DPYSL4: variants seen among roughly 807,000 people sequenced by gnomAD.
The protein encoded by DPYSL4 is dihydropyrimidinase-related protein 4.
Under a neutral mutation model 63.4 loss-of-function variants are expected in DPYSL4, and 43 were observed. The observed-to-expected ratio is 0.68, with a 90% confidence interval of 0.53 to 0.88. The LOEUF is 0.88. DPYSL4 is among the 40% of genes least tolerant of loss of function. DPYSL4 has a pLI of 0.00. For missense variants in DPYSL4, 733 were observed against 819.5 expected (o/e 0.89, Z 1.29); for synonymous variants, 353 against 331.7 (o/e 1.06, Z -0.70).
chr10:132,194,725 G>A (rs1055881609), intron 3 of DPYSL4, 120 bp from the exon 4 acceptor site: 12 of 1,325,474 alleles, frequency 9.1e-6, no homozygotes, highest in East Asian at 7.0e-5. Context: ...GGCCTCTGCT[G>A]TGTCTCCCTC....
intron 1 of DPYSL4, among the ~76,000 whole-genome samples, chr10:132,189,821 C>G (rs1249800396): frequency 6.6e-6 from 1 of 152,254 alleles, no homozygotes; most frequent in Non-Finnish European, 1.5e-5. Context: ...TTTAAAACAT[C>G]AAACCAGGAT....
chr10:132,187,151 TG>T, intron 1 of DPYSL4, 49 bp downstream of exon 1: 1 of 1,434,424 alleles, frequency 7.0e-7, no homozygotes, highest in Non-Finnish European at 9.5e-7. Context: ...CCGCCCGGAG[TG>T]GGGCCTGGAC....
chr10:132,193,222 G>A (rs1458888004), intron 3 of DPYSL4, among the ~76,000 whole-genome samples: 4 of 152,178 alleles, frequency 2.6e-5, no homozygotes, highest in Non-Finnish European at 4.4e-5. Flanking sequence ...CACATGCCTC[G>A]GAAGCTTCAT....
At chr10:132,193,893 A>G (rs1757141483) in intron 3 of DPYSL4, among the ~76,000 whole-genome samples, 1 of 152,244 alleles carries the variant, frequency 6.6e-6, no homozygotes, top group South Asian at 2.1e-4. Context: ...TTACTCAGCC[A>G]CAAAGGGAGA....
In DPYSL4 at chr10:132,205,110, C is replaced by A; in HGVS notation, c.*180C>A. The A allele has an allele frequency of 2.1e-6, 1 of 470,908 alleles. No individual in the cohort carries two copies. The highest frequency in any genetic ancestry group is 3.7e-6 in the Non-Finnish European group (1 of 268,002). 29.2% of individuals were successfully genotyped at this position (470,908 alleles called of 1,614,324 possible). ...GGGTCCCAGGTCCTGCTGCCAAGAG[C>A]CCCTCAAGAGAAGGGCTGAACCTGG... is the stretch of plus-strand genomic sequence containing the variant. On this transcript the variant is annotated 3_prime_UTR_variant, in exon 14 of 14. Coordinates refer to ENST00000338492, the MANE Select transcript of DPYSL4 (RefSeq NM_006426.3).
chr10:132,197,932 G>A (rs189331449), intron 6 of DPYSL4, among the ~76,000 whole-genome samples: 3 of 152,308 alleles, frequency 2.0e-5, no homozygotes, highest in East Asian at 1.9e-4. Flanking sequence ...ACAGCGGGAG[G>A]GAGCCTCAGT....
Position 132,186,994 on chromosome 10 carries a change from TCCCCCCGC to T in DPYSL4, c.-67_-60del, listed in dbSNP as rs1205871800. On this transcript the variant is annotated 5_prime_UTR_variant, in exon 1 of 14. Coordinates refer to ENST00000338492, the MANE Select transcript of DPYSL4 (RefSeq NM_006426.3). ...CCACGCACGCGTCCCGGCTCACGCG[TCCCCCCGC>T]CCGCCCGCCCGCCCGCCCGCCCCCG... The T allele has an allele frequency of 2.1e-3, 455 of 219,010 alleles. 5 individuals are homozygous for T. Among genetic ancestry groups the T allele is most frequent in the Admixed American group, 3.4e-3 (47 of 13,892 alleles). The allele number at this position is 219,010 out of a possible 1,614,324, so 13.6% of individuals were successfully genotyped here.
chr10:132,198,724 G>A (rs1293571270), intron 7 of DPYSL4, 127 bp from the exon 8 acceptor site: 2 of 1,420,896 alleles, frequency 1.4e-6, no homozygotes, highest in Non-Finnish European at 1.9e-6. Flanking sequence ...GCCCGAGGCT[G>A]GGCCGCTCCT....
chr10:132,191,440 G>A (rs1299197584), intron 2 of DPYSL4, among the ~76,000 whole-genome samples: 4 of 112,480 alleles, frequency 3.6e-5, no homozygotes, highest in Admixed American at 9.5e-5. Flanking sequence ...CGCTGGTCAT[G>A]TGGTATCCAG....
chr10:132,188,085 C>T (rs2061828862), intron 1 of DPYSL4, among the ~76,000 whole-genome samples: 1 of 152,178 alleles, frequency 6.6e-6, no homozygotes, highest in African/African-American at 2.4e-5. Context: ...CCAGAGGGTT[C>T]TGCCCGGCTG....
At chr10:132,194,080 C>T (rs555582566) in intron 3 of DPYSL4, among the ~76,000 whole-genome samples, 98 of 152,070 alleles carry the variant, frequency 6.4e-4, no homozygotes, top group African/African-American at 2.2e-3. Context: ...ACCACAGACA[C>T]GAGGCTGGCC....
chr10:132,189,103 G>A (rs1258437122), intron 1 of DPYSL4, among the ~76,000 whole-genome samples: 2 of 152,228 alleles, frequency 1.3e-5, no homozygotes, highest in East Asian at 1.9e-4. Context: ...CTGACGGTGC[G>A]TGAAGGCTCT....
At chr10:132,195,280 T>G (rs947149504) in intron 4 of DPYSL4, among the ~76,000 whole-genome samples, 2 of 152,200 alleles carry the variant, frequency 1.3e-5, no homozygotes, top group Non-Finnish European at 2.9e-5. Context: ...GAAGAGAGGC[T>G]GCCCAGGGTG....
At chr10:132,189,641 GTCCTGCCC>G (rs1347595597) in intron 1 of DPYSL4, among the ~76,000 whole-genome samples, 1 of 150,780 alleles carries the variant, frequency 6.6e-6, no homozygotes, top group Non-Finnish European at 1.5e-5. Flanking sequence ...TGGTCAGCAA[GTCCTGCCC>G]TCCTGACTCC....
Position 132,192,659 on chromosome 10 carries a change from C to A in DPYSL4, c.130C>A (p.Gln44Lys). 1 of 1,599,508 alleles carries A rather than the reference C, an allele frequency of 6.3e-7. No individual in the cohort carries two copies. The highest frequency in any genetic ancestry group is 8.5e-7 in the Non-Finnish European group (1 of 1,172,562). ...CAGTGAAATCTCTGCTGCTTTCAGA[C>A]AAATCGGAGAAAACCTCATCGTCCC... The part of the protein sequence containing the change: ...DVHVEDGLIK[Q>K]IGENLIVPGG... Residue 44 changes from glutamine (Q) to lysine (K), a missense_variant and splice_region_variant, in exon 3 of 14, where the codon CAA becomes AAA. Coordinates refer to ENST00000338492, the MANE Select transcript of DPYSL4 (RefSeq NM_006426.3).
chr10:132,199,108 G>T, intron 8 of DPYSL4, 137 bp downstream of exon 8: 1 of 1,319,410 alleles, frequency 7.6e-7, no homozygotes, highest in South Asian at 1.5e-5. Flanking sequence ...ATCGGGGTGG[G>T]GCACTGGACC....
rs750218124 is a variant in DPYSL4, at chr10:132,203,752, C to T, written c.1462-10C>T. On this transcript the variant is annotated splice_polypyrimidine_tract_variant and intron_variant, in intron 12 of 13. Coordinates refer to ENST00000338492, the MANE Select transcript of DPYSL4 (RefSeq NM_006426.3). ...CTCATGCCCTGTCTCTGCCCCCACC[C>T]CCCCGGCAGCTGGCGGAGATCCACG... The T allele has an allele frequency of 6.9e-6, 11 of 1,595,128 alleles. No individual in the cohort carries two copies. Among genetic ancestry groups the T allele is most frequent in the Non-Finnish European group, 8.6e-6 (10 of 1,167,438 alleles).
Position 132,199,072 on chromosome 10 carries a change from C to T in DPYSL4, c.811+101C>T, listed in dbSNP as rs61865800. 5.5e-5 allele frequency: 81 copies of T among 1,462,872 alleles called. No individual in the cohort carries two copies. The highest frequency in any genetic ancestry group is 6.4e-5 in the Non-Finnish European group (70 of 1,091,292). The allele number at this position is 1,462,872 out of a possible 1,614,324, so 90.6% of individuals were successfully genotyped here. A position where few individuals can be genotyped will look rare whatever the true frequency, so the allele number is the denominator to read the frequency against. On this transcript the variant is annotated intron_variant, in intron 8 of 13. Coordinates refer to ENST00000338492, the MANE Select transcript of DPYSL4 (RefSeq NM_006426.3). ...GGTTCCCTGAGTCCCTGCATCGGGG[C>T]GGGGCACTGGACCCTGAGTCCCTGC...
chr10:132,194,544 G>C (rs1183174396), intron 3 of DPYSL4, among the ~76,000 whole-genome samples: 12 of 152,254 alleles, frequency 7.9e-5, no homozygotes, highest in Non-Finnish European at 1.6e-4. Context: ...GACCTCCTGT[G>C]CTCCTCCAAG....
Sources: gnomAD v4.1 joint callset for allele counts (sites outside exome capture counted in the v4.1 genomes callset) on GRCh38, gnomAD v4.1.1 for gene constraint, MANE v1.5 for transcripts, NCBI Gene and HGNC (gene_info 2026-07-23, HGNC 2026-07-21) for gene names.